The following WRN variants were observed in gnomAD, a reference collection of about 807,000 sequenced individuals.
WRN encodes bifunctional 3'-5' exonuclease/ATP-dependent helicase WRN.
A neutral mutation model predicts 180.7 loss-of-function variants in WRN; 149 were observed. The observed-to-expected ratio is 0.82, with a 90% CI of 0.72 to 0.94. WRN has a LOEUF of 0.94. Among genes scored for constraint, WRN ranks in the 40% least tolerant of loss-of-function variants. The probability of loss-of-function intolerance (pLI) is 0.00; values close to 1 mark genes in which losing one functional copy is unlikely to be tolerated. For synonymous variants in WRN, 548 were observed against 568.9 expected, an observed-to-expected ratio of 0.96 and a Z score of 0.52; for missense variants, 1,661 against 1,700.1, an observed-to-expected ratio of 0.98 and a Z score of 0.40.
In WRN at chr8:31,120,353, T is replaced by C; in HGVS notation, c.2559T>C (p.Gly853=). The C allele has an allele frequency of 6.2e-7, 1 of 1,612,934 alleles. No homozygotes were observed. Among genetic ancestry groups the C allele is most frequent in the Non-Finnish European group, 8.5e-7 (1 of 1,179,118 alleles). ...TGGAATCATATTATCAGGAGATTGG[T>C]AGAGCTGGTCGTGATGGACTTCAAA... is the stretch of plus-strand genomic sequence containing the variant. ...KDMESYYQEI[G]RAGRDGLQSS... is the part of the protein sequence containing the mutation. The change falls in exon 21 of 35, where the codon GGT becomes GGC. Residue 853 remains glycine (G), a synonymous_variant. Transcript: ENST00000298139.
intron 1 of WRN, among the ~76,000 whole-genome samples, chr8:31,045,315 G>T (rs1184449012): frequency 6.6e-6 from 1 of 151,950 alleles, no homozygotes; most frequent in Non-Finnish European, 1.5e-5. Context: ...ACCTTCCATA[G>T]TCTCTGCAGT....
At chr8:31,119,323 C>T (rs1466568187) in intron 20 of WRN, among the ~76,000 whole-genome samples, 1 of 151,894 alleles carries the variant, frequency 6.6e-6, no homozygotes, top group Non-Finnish European at 1.5e-5. Flanking sequence ...CTTCTGTTTC[C>T]CATTCACAAC....
In WRN at chr8:31,058,463, T is replaced by A. The variant is rs202148988; in HGVS notation, c.16T>A (p.Leu6Met). 6 of 1,613,122 alleles carry A rather than the reference T, an allele frequency of 3.7e-6. No homozygotes were observed. The East Asian group carries it at 8.9e-5, about 24-fold the overall frequency. Residue 6 changes from leucine to methionine, a missense_variant, in exon 2 of 35, where the codon TTG (leucine) becomes ATG (methionine). Leu to Met is a conservative substitution (Grantham distance 15). Transcript: ENST00000298139. MSEKK[L>M]ETTAQQRKCP... ...CATTTCAAAGATGAGTGAAAAAAAA[T>A]TGGAAACAACTGCACAGCAGCGGAA...
At chr8:31,043,784 A>G (rs1811744272) in intron 1 of WRN, among the ~76,000 whole-genome samples, 1 of 152,164 alleles carries the variant, frequency 6.6e-6, no homozygotes, top group African/African-American at 2.4e-5. Context: ...CTCCCCCTTC[A>G]TATGCCTGAC....
chr8:31,081,949 T>C (rs897891962), intron 9 of WRN, among the ~76,000 whole-genome samples: 12 of 151,934 alleles, frequency 7.9e-5, no homozygotes, highest in Non-Finnish European at 1.2e-4. Context: ...TTTGTAGAGA[T>C]GGGGTTTCGC....
chr8:31,114,054 C>T (rs976448898), intron 19 of WRN, among the ~76,000 whole-genome samples: 8 of 152,054 alleles, frequency 5.3e-5, no homozygotes, highest in Middle Eastern at 6.8e-3. Flanking sequence ...TCCAAGAAGA[C>T]TTAGGATAGC....
At chr8:31,143,719 C>A in intron 28 of WRN, 96 bp downstream of exon 28, 6 of 836,430 alleles carry the variant, frequency 7.2e-6, no homozygotes, top group South Asian at 1.5e-5. Context: ...ATTTCATTGG[C>A]AAAAGGAAGT....
intron 1 of WRN, among the ~76,000 whole-genome samples, chr8:31,039,014 C>A (rs2129905563): frequency 6.6e-6 from 1 of 152,274 alleles, no homozygotes; most frequent in South Asian, 2.1e-4. Context: ...AAACATGAGT[C>A]CTCCAACTTT....
intron 33 of WRN, among the ~76,000 whole-genome samples, chr8:31,161,248 A>G (rs947549432): frequency 1.3e-5 from 2 of 152,148 alleles, no homozygotes; most frequent in African/African-American, 4.8e-5. Context: ...GGGAGTTAAT[A>G]TTGCCTCTCT....
chr8:31,167,065 C>T lies in WRN; in HGVS notation c.4026C>T (p.Asn1342=), dbSNP rs762868798. The change falls in exon 34 of 35, where the codon AAC becomes AAT. Residue 1342 remains asparagine (N), a synonymous_variant. Transcript: ENST00000298139. ...TAATCAGAATGTTAGTTCCTGAAAA[C>T]ATTGACACGTACCTTATCCACATGG... ...ISLIRMLVPE[N]IDTYLIHMAI... The T allele has an allele frequency of 8.7e-6, 14 of 1,613,142 alleles. No individual in the cohort carries two copies. In the Admixed American group the frequency reaches 2.3e-4, roughly 27 times the overall value.
intron 8 of WRN, among the ~76,000 whole-genome samples, chr8:31,076,953 T>C (rs1158299255): frequency 6.6e-6 from 1 of 152,228 alleles, no homozygotes; most frequent in African/African-American, 2.4e-5. Flanking sequence ...GACTTCCTTA[T>C]TAAATCTCTA....
chr8:31,079,922 C>G (rs1813233973), intron 8 of WRN, among the ~76,000 whole-genome samples: 1 of 151,942 alleles, frequency 6.6e-6, no homozygotes, highest in Non-Finnish European at 1.5e-5. Flanking sequence ...GTCGCCCAGG[C>G]TGGAGTGCAA....
rs1563378071 is a variant in WRN, at chr8:31,143,544, A to G, written c.3310-6A>G. On this transcript the variant is annotated splice_polypyrimidine_tract_variant and splice_region_variant and intron_variant, in intron 27 of 34. Coordinates refer to ENST00000298139, the MANE Select transcript of WRN (RefSeq NM_000553.6). ...TTTTAATGGACCTTTATATGTTTAAATGCAGTCTAACTTGGAGAAGTTATA... is the reference window on the plus strand; with the variant it reads ...TTTTAATGGACCTTTATATGTTTAAGTGCAGTCTAACTTGGAGAAGTTATA... 7.0e-6 allele frequency: 11 copies of G among 1,573,642 alleles called. No individual in the cohort carries two copies. The highest frequency in any genetic ancestry group is 9.6e-6 in the Non-Finnish European group (11 of 1,148,788).
intron 7 of WRN, among the ~76,000 whole-genome samples, chr8:31,069,072 G>T (rs998018517): frequency 2.0e-5 from 3 of 152,162 alleles, no homozygotes; most frequent in Non-Finnish European, 4.4e-5. Flanking sequence ...AGACTTAAAG[G>T]GACAAACTAT....
chr8:31,144,509 G>A (rs1802785985), intron 28 of WRN, among the ~76,000 whole-genome samples: 2 of 152,050 alleles, frequency 1.3e-5, no homozygotes, highest in Middle Eastern at 3.4e-3. Context: ...GCTAATTTTT[G>A]TATTTTTAGT....
At chr8:31,129,108 A>G (rs1263868356) in intron 23 of WRN, among the ~76,000 whole-genome samples, 1 of 152,108 alleles carries the variant, frequency 6.6e-6, no homozygotes, top group African/African-American at 2.4e-5. Context: ...TCAGCTTCCC[A>G]AGTAGCTACA....
rs764818941 is a variant in WRN, at chr8:31,087,802, G to C, written c.1458G>C (p.Thr486=). The change falls in exon 12 of 35, where the codon ACG becomes ACC. Residue 486 remains threonine, a synonymous_variant. Coordinates refer to ENST00000298139, the MANE Select transcript of WRN (RefSeq NM_000553.6). The part of the protein sequence containing the change: ...LKSLENLNSG[T]VEPTHSKCLK... The stretch of plus-strand genomic sequence containing the variant: ...CTTTAGAAAACCTCAATAGTGGCAC[G>C]GTAGAACCAACTCATTCTAAATGCT... 31 of 1,613,350 alleles carry C rather than the reference G, an allele frequency of 1.9e-5. No homozygotes were observed. In the East Asian group the frequency reaches 6.7e-4, roughly 35 times the overall value.
chr8:31,074,220 C>T (rs2725384), intron 7 of WRN, among the ~76,000 whole-genome samples: 8,174 of 151,986 alleles, frequency 0.054, 500 homozygotes, highest in East Asian at 0.26. Flanking sequence ...CCACCGCGCC[C>T]GGCCCAAGAG....
rs2130414742 is a variant in WRN at position 31,141,477 on chromosome 8, C to T, written c.3015C>T (p.Gly1005=). 6.2e-7 allele frequency: 1 copy of T among 1,614,092 alleles called. No homozygotes were observed. The highest frequency in any genetic ancestry group is 8.5e-7 in the Non-Finnish European group (1 of 1,180,032). ...AATATCGCAGGCACAGTTTATTTGG[C>T]ACTGGCAAGGATCAAACAGAGAGTT... ...ADQYRRHSLF[G]TGKDQTESWW... Residue 1005 remains glycine (G), a synonymous_variant, in exon 25 of 35, where the codon GGC becomes GGT. Coordinates refer to ENST00000298139, the MANE Select transcript of WRN (RefSeq NM_000553.6).
Sources: gnomAD v4.1 joint callset for allele counts (sites outside exome capture counted in the v4.1 genomes callset) on GRCh38, gnomAD v4.1.1 for gene constraint, MANE v1.5 for transcripts, NCBI Gene and HGNC (gene_info 2026-07-23, HGNC 2026-07-21) for gene names.